Variants in PAK1IP1 observed in about 807,000 individuals in gnomAD.
PAK1IP1 encodes p21-activated protein kinase-interacting protein 1.
Under a neutral mutation model 42.0 loss-of-function variants are expected in PAK1IP1, and 24 were observed. The observed-to-expected ratio is 0.57, with a 90% CI of 0.41 to 0.80. The LOEUF (loss-of-function observed/expected upper bound fraction) is 0.80. Ranked by LOEUF, PAK1IP1 falls within the 30% of genes least tolerant of loss-of-function variation. The pLI, the probability that PAK1IP1 is intolerant of heterozygous loss-of-function variation, is 0.00. For missense variants in PAK1IP1, 411 were observed against 467.9 expected, an observed-to-expected ratio of 0.88 and a Z score of 1.12; for synonymous variants, 154 against 156.7, an observed-to-expected ratio of 0.98 and a Z score of 0.13.
chr6:10,694,993 T>C lies in PAK1IP1; in HGVS notation c.8T>C (p.Leu3Pro). Residue 3 changes from leucine to proline, a missense_variant, in exon 1 of 10, where the codon CTG becomes CCG. Physicochemically the swap from Leu to Pro is moderately conservative, Grantham distance 98. Coordinates refer to ENST00000379568, the MANE Select transcript of PAK1IP1 (RefSeq NM_017906.3). ME[L>P]VAGCYEQVLF... ...AGGCACGTGCGCTGCTGAATGGAGC[T>C]GGTCGCTGGTTGCTACGAGCAGGTC... 6.3e-7 allele frequency: 1 copy of C among 1,599,094 alleles called. No individual in the cohort carries two copies. The highest frequency in any genetic ancestry group is 8.5e-7 in the Non-Finnish European group (1 of 1,178,934).
upstream of PAK1IP1, among the ~76,000 whole-genome samples, chr6:10,691,950 TAAGC>T (rs1242855476): frequency 6.6e-6 from 1 of 152,210 alleles, no homozygotes; most frequent in Non-Finnish European, 1.5e-5. Context: ...AAAAGTTACT[TAAGC>T]AAGTAAAAGT....
chr6:10,700,608 C>T (rs548823241), intron 2 of PAK1IP1, among the ~76,000 whole-genome samples: 73 of 152,214 alleles, frequency 4.8e-4, no homozygotes, highest in African/African-American at 1.7e-3. Context: ...CTTTTTTTCT[C>T]TATCTCCTAG....
chr6:10,692,674 C>T (rs1019847865), upstream of PAK1IP1, among the ~76,000 whole-genome samples: 1 of 152,062 alleles, frequency 6.6e-6, no homozygotes, highest in African/African-American at 2.4e-5. Flanking sequence ...CTCTTGATCT[C>T]GTCAAAGTGC....
chr6:10,699,027 C>T (rs1264214188), intron 2 of PAK1IP1, among the ~76,000 whole-genome samples: 4 of 151,964 alleles, frequency 2.6e-5, no homozygotes, highest in Non-Finnish European at 5.9e-5. Context: ...GGAGAAACCC[C>T]GTCTCTACGA....
intron 7 of PAK1IP1, among the ~76,000 whole-genome samples, chr6:10,706,210 T>G (rs1023468948): frequency 6.6e-6 from 1 of 151,700 alleles, no homozygotes; most frequent in African/African-American, 2.4e-5. Context: ...TGTGAGACCT[T>G]AAGAATGAAA....
At chr6:10,703,268 G>T in intron 4 of PAK1IP1, 137 bp from the exon 5 acceptor site, 3 of 616,462 alleles carry the variant, frequency 4.9e-6, no homozygotes, top group African/African-American at 1.9e-5. Context: ...TCAAAATATT[G>T]CTGTAAGGAA....
chr6:10,697,562 G>GT, intron 2 of PAK1IP1, 76 bp downstream of exon 2: 1 of 1,136,630 alleles, frequency 8.8e-7, no homozygotes, highest in Non-Finnish European at 1.3e-6. Flanking sequence ...ACAATTTGTT[G>GT]TATCTATTTT....
At position 10,704,710 on chromosome 6, in the gene PAK1IP1, C is replaced by T. The variant is rs200572130; in HGVS notation, c.643-37C>T. 5.0e-6 allele frequency: 8 copies of T among 1,594,822 alleles called. No homozygotes were observed. The East Asian group carries it at 1.8e-4, about 36-fold the overall frequency. On this transcript the variant is annotated intron_variant, in intron 6 of 9. Coordinates refer to ENST00000379568, the MANE Select transcript of PAK1IP1 (RefSeq NM_017906.3). ...TGGTGATGGTTGGAACTGTTGATGACATTCTGGATGTTATTACTCTTTTTC... is the reference window on the plus strand; with the variant it reads ...TGGTGATGGTTGGAACTGTTGATGATATTCTGGATGTTATTACTCTTTTTC...
Position 10,697,472 on chromosome 6 carries a change from T to C in PAK1IP1, c.233T>C (p.Leu78Pro). The C allele has an allele frequency of 6.2e-7, 1 of 1,613,202 alleles. No individual in the cohort carries two copies. Among genetic ancestry groups the C allele is most frequent in the Non-Finnish European group, 8.5e-7 (1 of 1,179,204 alleles). Residue 78 changes from leucine (L) to proline (P), a missense_variant, in exon 2 of 10, where the codon CTA becomes CCA. Leu to Pro is a moderately conservative substitution (Grantham distance 98). Coordinates refer to ENST00000379568, the MANE Select transcript of PAK1IP1 (RefSeq NM_017906.3). ...AAAAAGAAGATTGAGCATGGGGCTCTAGTGCATCACAGTGGTAAGAAAATT... is the reference window on the plus strand; with the variant it reads ...AAAAAGAAGATTGAGCATGGGGCTCCAGTGCATCACAGTGGTAAGAAAATT... Reference protein sequence around the residue: ...DMKKKIEHGALVHHSGTITCL... With the variant: ...DMKKKIEHGAPVHHSGTITCL...
intron 1 of PAK1IP1, 123 bp from the exon 2 acceptor site, chr6:10,697,201 G>A (rs1684335401): frequency 2.6e-6 from 2 of 763,402 alleles, no homozygotes; most frequent in South Asian, 2.1e-5. Flanking sequence ...TTCATGAATC[G>A]TGGAATGATT....
rs1035793069 is a variant in PAK1IP1, at chr6:10,709,478, C to G, written c.*26C>G. ...ATCACAGATGTCTCCTGAAAGAACT[C>G]TTTTAGATGAAATCATTCTACTCAA... On this transcript the variant is annotated 3_prime_UTR_variant, in exon 10 of 10. Coordinates refer to ENST00000379568, the MANE Select transcript of PAK1IP1 (RefSeq NM_017906.3). 1 of 1,479,110 alleles carries G rather than the reference C, an allele frequency of 6.8e-7. No homozygotes were observed. Among genetic ancestry groups the G allele is most frequent in the South Asian group, 1.2e-5 (1 of 81,246 alleles). 91.6% of individuals were successfully genotyped at this position (1,479,110 alleles called of 1,614,324 possible). A position where few individuals can be genotyped will look rare whatever the true frequency, so the allele number is the denominator to read the frequency against.
At position 10,703,460 on chromosome 6, in the gene PAK1IP1, G is replaced by A; in HGVS notation, c.496+3G>A. On this transcript the variant is annotated splice_donor_region_variant and intron_variant, in intron 5 of 9. Transcript: ENST00000379568. The stretch of plus-strand genomic sequence containing the variant: ...ATTCATAAAAAATATAAAACAAAGT[G>A]AGTATTTTTGTTTGAAATGCAGGTT... 1 of 1,593,892 alleles carries A rather than the reference G, an allele frequency of 6.3e-7. No individual in the cohort carries two copies.
chr6:10,705,795 A>G (rs781485274), intron 7 of PAK1IP1, among the ~76,000 whole-genome samples: 8 of 152,184 alleles, frequency 5.3e-5, no homozygotes, highest in African/African-American at 7.2e-5. Context: ...TGCATGTTCT[A>G]TGTCTCAAAT....
chr6:10,699,169 C>G (rs1320998644), intron 2 of PAK1IP1, among the ~76,000 whole-genome samples: 6 of 129,902 alleles, frequency 4.6e-5, no homozygotes, highest in Non-Finnish European at 1.5e-5. Flanking sequence ...CCACTGCACT[C>G]TAGCCTAGGC....
chr6:10,704,940 T>G, intron 7 of PAK1IP1, 96 bp downstream of exon 7: 2 of 778,426 alleles, frequency 2.6e-6, no homozygotes, highest in South Asian at 2.8e-5. Flanking sequence ...TATTAACAAC[T>G]GCAGAAATAA....
chr6:10,691,271 G>A (rs1037812280), upstream of PAK1IP1, among the ~76,000 whole-genome samples: 3 of 152,100 alleles, frequency 2.0e-5, no homozygotes, highest in Admixed American at 6.6e-5. Context: ...GGCTTTATTC[G>A]GCCGGGATCT....
Position 10,709,015 on chromosome 6 carries a change from G to A in PAK1IP1, c.903G>A (p.Val301=). Residue 301 remains valine, a synonymous_variant, in exon 9 of 10, where the codon GTG becomes GTA. Coordinates refer to ENST00000379568, the MANE Select transcript of PAK1IP1 (RefSeq NM_017906.3). ...ATGCCAGGCTGACGTGTCTTGGAGTGTGGCTAGACAAAGTGGCAGACATGA... is the reference window on the plus strand; with the variant it reads ...ATGCCAGGCTGACGTGTCTTGGAGTATGGCTAGACAAAGTGGCAGACATGA... ...NTNARLTCLG[V]WLDKVADMKE... 2 of 1,612,202 alleles carry A rather than the reference G, an allele frequency of 1.2e-6. No homozygotes were observed. The highest frequency in any genetic ancestry group is 1.7e-6 in the Non-Finnish European group (2 of 1,178,246).
At chr6:10,697,584 T>C in intron 2 of PAK1IP1, 98 bp downstream of exon 2, 1 of 966,078 alleles carries the variant, frequency 1.0e-6, no homozygotes, top group Non-Finnish European at 1.6e-6. Flanking sequence ...TAGCAGATTC[T>C]TTGCTAGAAG....
chr6:10,692,444 A>G (rs529068952), upstream of PAK1IP1, among the ~76,000 whole-genome samples: 5 of 152,270 alleles, frequency 3.3e-5, no homozygotes, highest in Admixed American at 6.5e-5. Flanking sequence ...CAAAGTAAAG[A>G]AAGAATGACT....
Sources: allele counts gnomAD v4.1 joint callset (sites outside exome capture counted in the v4.1 genomes callset), GRCh38; gene constraint gnomAD v4.1.1; transcripts MANE v1.5; gene names NCBI Gene and HGNC (gene_info 2026-07-23, HGNC 2026-07-21).